ADGRL2: variants seen among roughly 807,000 people sequenced by gnomAD.
The protein encoded by ADGRL2 is calcium-independent alpha-latrotoxin receptor 2.
ADGRL2 carries 44 observed loss-of-function variants against 157.4 expected under a neutral mutation model. That is an observed-to-expected ratio of 0.28 (90% confidence interval 0.22 to 0.36). ADGRL2 has a LOEUF of 0.36. Among genes scored for constraint, ADGRL2 ranks in the 10% least tolerant of loss-of-function variants. ADGRL2 has a pLI of 1.00. For missense variants in ADGRL2, 1,510 were observed against 1,768.9 expected (o/e 0.85, Z 2.63); for synonymous variants, 585 against 624.7 (o/e 0.94, Z 0.95).
intron 2 of ADGRL2, among the ~76,000 whole-genome samples, chr1:81,580,101 G>T (rs2080877380): frequency 6.6e-6 from 1 of 152,128 alleles, no homozygotes; most frequent in African/African-American, 2.4e-5. Flanking sequence ...CTCGTTTGTG[G>T]TTGAAAACTG....
intron 3 of ADGRL2, among the ~76,000 whole-genome samples, chr1:81,667,817 G>A (rs1275946383): frequency 1.3e-5 from 2 of 151,946 alleles, no homozygotes; most frequent in Non-Finnish European, 2.9e-5. Context: ...ATAAGTTAAT[G>A]TCCAAGACAT....
At chr1:81,543,045 C>G (rs529353070) in intron 2 of ADGRL2, among the ~76,000 whole-genome samples, 3 of 151,150 alleles carry the variant, frequency 2.0e-5, no homozygotes, top group African/African-American at 4.9e-5. Context: ...TTTGCAAAGC[C>G]TTAATAATAT....
intron 2 of ADGRL2, among the ~76,000 whole-genome samples, chr1:81,767,061 A>G (rs2086157587): frequency 1.3e-5 from 2 of 152,096 alleles, no homozygotes; most frequent in Non-Finnish European, 2.9e-5. Flanking sequence ...ATCCTGAAAT[A>G]TATAATTGTT....
At chr1:81,933,978 A>G (rs954757848) in intron 3 of ADGRL2, among the ~76,000 whole-genome samples, 8 of 152,092 alleles carry the variant, frequency 5.3e-5, no homozygotes, top group Non-Finnish European at 1.2e-4. Flanking sequence ...CTCTGTGTAT[A>G]TAAACATATG....
chr1:81,610,181 G>T (rs1292968970), intron 3 of ADGRL2, among the ~76,000 whole-genome samples: 2 of 150,244 alleles, frequency 1.3e-5, no homozygotes, highest in Non-Finnish European at 2.9e-5. Context: ...TTACAGTGTG[G>T]CCTCTCTAAG....
At chr1:81,587,715 C>T (rs1285757683) in intron 3 of ADGRL2, among the ~76,000 whole-genome samples, 1 of 152,028 alleles carries the variant, frequency 6.6e-6, no homozygotes, top group Non-Finnish European at 1.5e-5. Flanking sequence ...TAAAAAATAG[C>T]TGGCATCAGT....
chr1:81,783,581 A>G (rs1386427109), intron 2 of ADGRL2, among the ~76,000 whole-genome samples: 1 of 152,210 alleles, frequency 6.6e-6, no homozygotes, highest in East Asian at 1.9e-4. Context: ...TATAAACATA[A>G]CTAAGAGTGA....
At chr1:81,527,204 T>A (rs892387760) in intron 2 of ADGRL2, among the ~76,000 whole-genome samples, 1 of 152,166 alleles carries the variant, frequency 6.6e-6, no homozygotes, top group Admixed American at 6.5e-5. Context: ...ACAATGCAGA[T>A]CATTTCCTCA....
intron 1 of ADGRL2, among the ~76,000 whole-genome samples, chr1:81,388,239 G>A (rs2076472667): frequency 6.6e-6 from 1 of 152,084 alleles, no homozygotes; most frequent in Non-Finnish European, 1.5e-5. Flanking sequence ...AGTGCTTTGT[G>A]TGTGTTTTAT....
intron 1 of ADGRL2, among the ~76,000 whole-genome samples, chr1:81,700,712 G>C (rs72718838): frequency 0.018 from 2,681 of 152,260 alleles, 33 homozygotes; most frequent in South Asian, 0.053. Context: ...ACTCCAGAAG[G>C]GGGAAAGATA....
At chr1:81,420,708 A>G (rs947327478) in intron 1 of ADGRL2, among the ~76,000 whole-genome samples, 2 of 152,080 alleles carry the variant, frequency 1.3e-5, no homozygotes, top group African/African-American at 4.8e-5. Context: ...TCTCTCCTTC[A>G]GTTGTCGTGC....
Position 81,942,133 on chromosome 1 carries a change from TG to T in ADGRL2, c.409+89del, listed in dbSNP as rs760479256. On this transcript the variant is annotated intron_variant, in intron 5 of 23. Transcript: ENST00000686636. ...CCCTCCCCTCTCCCCACAACACTCC[TG>T]TATTAAAATAATCAGCAGGATCTCA... The T allele has an allele frequency of 1.4e-5, 8 of 555,564 alleles. No individual in the cohort carries two copies. The East Asian group carries it at 2.1e-4, about 14-fold the overall frequency. 34.4% of individuals were successfully genotyped at this position (555,564 alleles called of 1,614,324 possible).
intron 1 of ADGRL2, among the ~76,000 whole-genome samples, chr1:81,369,109 G>A (rs1454226934): frequency 3.3e-5 from 5 of 152,002 alleles, no homozygotes; most frequent in African/African-American, 1.2e-4. Flanking sequence ...GAAAATAAAT[G>A]TTTGTAGGGA....
intron 2 of ADGRL2, among the ~76,000 whole-genome samples, chr1:81,527,203 A>C (rs1232942644): frequency 6.6e-6 from 1 of 152,206 alleles, no homozygotes; most frequent in African/African-American, 2.4e-5. Flanking sequence ...AACAATGCAG[A>C]TCATTTCCTC....
intron 3 of ADGRL2, among the ~76,000 whole-genome samples, chr1:81,606,783 T>TGC (rs201101438): frequency 0.13 from 19,076 of 149,674 alleles, 1,661 homozygotes; most frequent in Non-Finnish European, 0.18. Context: ...TGCGCACGCG[T>TGC]GTGTGTGTGT....
intron 1 of ADGRL2, among the ~76,000 whole-genome samples, chr1:81,391,845 T>C (rs1025033155): frequency 2.6e-5 from 4 of 152,230 alleles, no homozygotes; most frequent in Non-Finnish European, 5.9e-5. Flanking sequence ...GTCAATGGAG[T>C]TTTGAAATGC....
At chr1:81,703,247 A>C (rs951374423) in intron 1 of ADGRL2, among the ~76,000 whole-genome samples, 1 of 152,236 alleles carries the variant, frequency 6.6e-6, no homozygotes, top group Non-Finnish European at 1.5e-5. Context: ...CCAGAAAGTG[A>C]AGCGGGAGAA....
At chr1:81,754,736 C>A (rs1159638872) in intron 1 of ADGRL2, among the ~76,000 whole-genome samples, 1 of 143,070 alleles carries the variant, frequency 7.0e-6, no homozygotes, top group Non-Finnish European at 1.5e-5. Flanking sequence ...TTCTTTCTTT[C>A]AATAACACAG....
At chr1:81,528,822 T>C (rs899101568) in intron 2 of ADGRL2, among the ~76,000 whole-genome samples, 6 of 152,154 alleles carry the variant, frequency 3.9e-5, no homozygotes, top group African/African-American at 1.4e-4. Context: ...GGGAAAACCT[T>C]ATGGATAAAA....
Sources: gnomAD v4.1 joint callset for allele counts (sites outside exome capture counted in the v4.1 genomes callset) on GRCh38, gnomAD v4.1.1 for gene constraint, MANE v1.5 for transcripts, NCBI Gene and HGNC (gene_info 2026-07-23, HGNC 2026-07-21) for gene names.